DLG2: variants seen among roughly 807,000 people sequenced by gnomAD.
DLG2 encodes disks large homolog 2.
A neutral mutation model predicts 132.5 loss-of-function variants in DLG2; 45 were observed. That is an observed-to-expected ratio of 0.34 (90% CI 0.27 to 0.44). DLG2 has a LOEUF of 0.44. Among genes scored for constraint, DLG2 ranks in the 20% least tolerant of loss-of-function variants. DLG2 has a pLI of 1.00. For missense variants in DLG2, 1,045 were observed against 1,196.9 expected (o/e 0.87, Z 1.87); for synonymous variants, 424 against 419.6 (o/e 1.01, Z -0.13).
At chr11:84,766,909 T>G (rs990349205) in intron 6 of DLG2, among the ~76,000 whole-genome samples, 1 of 152,094 alleles carries the variant, frequency 6.6e-6, no homozygotes, top group Non-Finnish European at 1.5e-5. Flanking sequence ...TTGGGGACAC[T>G]TGAGATTCAA....
chr11:84,473,528 TGG>T (rs2099113975), intron 7 of DLG2, among the ~76,000 whole-genome samples: 1 of 151,948 alleles, frequency 6.6e-6, no homozygotes, highest in African/African-American at 2.4e-5. Flanking sequence ...GGGTATTGCA[TGG>T]AAGAATGCCA....
rs190645081 is a variant in DLG2 at position 85,445,673 on chromosome 11, T to A, written c.40+152984A>T. ...CCAGCCTGGGCAACGAGAGTGAAAC[T>A]CCGTCTCAAAAAAACAAAAAGATTG... On this transcript the variant is annotated intron_variant, in intron 3 of 27. Coordinates refer to ENST00000376104, the MANE Select transcript of DLG2 (RefSeq NM_001142699.3). Among the ~76,000 whole-genome samples the A allele has an allele frequency of 1.6e-3, 236 of 152,164 alleles. 4 individuals are homozygous for A. The highest frequency in any genetic ancestry group is 0.015 in the Admixed American group (229 of 15,272).
chr11:84,075,454 A>C (rs1209299065), intron 10 of DLG2, among the ~76,000 whole-genome samples: 1 of 152,232 alleles, frequency 6.6e-6, no homozygotes, highest in Non-Finnish European at 1.5e-5. Context: ...TATTCAATGA[A>C]GGAATGAGTG....
At chr11:83,499,408 G>T (rs775628241) in intron 21 of DLG2, among the ~76,000 whole-genome samples, 101 of 152,022 alleles carry the variant, frequency 6.6e-4, no homozygotes, top group African/African-American at 2.3e-3. Flanking sequence ...GTGCATTTTG[G>T]ATTATTTTCT....
intron 6 of DLG2, among the ~76,000 whole-genome samples, chr11:84,654,680 G>A (rs767648722): frequency 3.3e-5 from 5 of 152,000 alleles, no homozygotes; most frequent in South Asian, 2.1e-4. Flanking sequence ...GTTCAATATC[G>A]GGGCCTGGAT....
intron 3 of DLG2, among the ~76,000 whole-genome samples, chr11:85,595,833 T>C (rs1227753796): frequency 6.6e-6 from 1 of 152,246 alleles, no homozygotes; most frequent in Admixed American, 6.5e-5. Flanking sequence ...ATCAAAGTTA[T>C]GTTACAAAAT....
intron 2 of DLG2, among the ~76,000 whole-genome samples, chr11:85,605,278 G>A (rs1185293879): frequency 6.6e-6 from 1 of 152,126 alleles, no homozygotes. Flanking sequence ...TTGATTCCAA[G>A]TATAGTGTTC....
At chr11:84,064,411 TGGCTTGGGA>T (rs1269826352) in intron 10 of DLG2, among the ~76,000 whole-genome samples, 2 of 152,166 alleles carry the variant, frequency 1.3e-5, no homozygotes, top group Non-Finnish European at 2.9e-5. Context: ...CCTAAGAACA[TGGCTTGGGA>T]GGCTTGGTCA....
At chr11:84,553,717 T>A (rs565000953) in intron 6 of DLG2, among the ~76,000 whole-genome samples, 23 of 152,334 alleles carry the variant, frequency 1.5e-4, no homozygotes, top group East Asian at 5.8e-4. Context: ...AATTCTTTCC[T>A]TGAGAAGGTT....
rs114881209 is a variant in DLG2, at chr11:84,708,450, C to A, written c.358-173719G>T. ...ACCTTATGACCACTTTCTCTAAGAC[C>A]GTTTTTGAAATTCAATTTAGTACTT... On this transcript the variant is annotated intron_variant, in intron 6 of 27. Transcript: ENST00000376104. Among the ~76,000 whole-genome samples the A allele has an allele frequency of 7.1e-3, 1,072 of 151,888 alleles. 16 individuals are homozygous for A. The highest frequency in any genetic ancestry group is 0.023 in the African/African-American group (973 of 41,474).
chr11:84,075,899 T>C (rs1027833985), intron 10 of DLG2, among the ~76,000 whole-genome samples: 1 of 152,214 alleles, frequency 6.6e-6, no homozygotes, highest in Non-Finnish European at 1.5e-5. Context: ...CGGAACTCCC[T>C]GACTTAATGG....
chr11:84,334,831 AAG>A (rs1362985720), intron 7 of DLG2, among the ~76,000 whole-genome samples: 1 of 152,116 alleles, frequency 6.6e-6, no homozygotes. Context: ...GGGGGTATAT[AAG>A]AGAGGTTTTA....
intron 11 of DLG2, among the ~76,000 whole-genome samples, chr11:84,011,487 A>AAATT (rs940080493): frequency 6.6e-5 from 10 of 151,336 alleles, no homozygotes; most frequent in African/African-American, 1.7e-4. Flanking sequence ...ATAAATAAAT[A>AAATT]AATTAATTAA....
At chr11:85,357,728 ATATATATATATATATATATAT>A (rs1476953921) in intron 3 of DLG2, among the ~76,000 whole-genome samples, 2 of 3,452 alleles carry the variant, frequency 5.8e-4, no homozygotes, top group East Asian at 0.011. Context: ...ATATATATAT[ATATATATATATATATATATAT>A]ATATATATAT....
intron 6 of DLG2, among the ~76,000 whole-genome samples, chr11:84,643,972 G>T (rs565732288): frequency 1.3e-5 from 2 of 152,278 alleles, no homozygotes; most frequent in East Asian, 3.9e-4. Context: ...TCATTTTACT[G>T]ATGAGTAAAG....
chr11:85,125,794 T>A (rs1304549256), intron 5 of DLG2, among the ~76,000 whole-genome samples: 5 of 142,290 alleles, frequency 3.5e-5, no homozygotes, highest in Non-Finnish European at 7.5e-5. Context: ...ACCTTCAATG[T>A]CCCAGACATT....
intron 6 of DLG2, among the ~76,000 whole-genome samples, chr11:84,815,222 G>A (rs1242270524): frequency 1.3e-5 from 2 of 152,038 alleles, no homozygotes; most frequent in African/African-American, 2.4e-5. Context: ...GCACTCACTA[G>A]GAGAGAGGAA....
At chr11:84,517,058 T>A (rs1244461705) in intron 7 of DLG2, among the ~76,000 whole-genome samples, 16 of 112,250 alleles carry the variant, frequency 1.4e-4, no homozygotes, top group African/African-American at 3.6e-4. Flanking sequence ...TATTCTATCC[T>A]AAAAAAAAAA....
chr11:83,771,830 T>C (rs1200377790), intron 18 of DLG2, among the ~76,000 whole-genome samples: 1 of 152,210 alleles, frequency 6.6e-6, no homozygotes, highest in Admixed American at 6.5e-5. Flanking sequence ...TATTTACGCG[T>C]TGACTATTGC....
Sources: allele counts gnomAD v4.1 joint callset (sites outside exome capture counted in the v4.1 genomes callset), GRCh38; gene constraint gnomAD v4.1.1; transcripts MANE v1.5; gene names NCBI Gene and HGNC (gene_info 2026-07-23, HGNC 2026-07-21).